CDH13: variants seen among roughly 807,000 people sequenced by gnomAD.
CDH13 encodes cadherin-13.
CDH13 carries 24 observed loss-of-function variants against 63.8 expected under a neutral mutation model. That is an observed-to-expected ratio of 0.38 (90% CI 0.27 to 0.53). The LOEUF is 0.53. CDH13 is among the 20% of genes least tolerant of loss of function. The probability of loss-of-function intolerance (pLI) is 0.85; values close to 1 mark genes in which losing one functional copy is unlikely to be tolerated. For missense variants in CDH13, 1,049 were observed against 903.1 expected, an observed-to-expected ratio of 1.16 and a Z score of -2.07; for synonymous variants, 503 against 355.3, an observed-to-expected ratio of 1.42 and a Z score of -4.67.
chr16:83,171,450 A>G (rs1597460193), intron 4 of CDH13: 3 of 1,292,288 alleles, frequency 2.3e-6, no homozygotes, highest in Non-Finnish European at 3.2e-6. Flanking sequence ...TCCAAACCAT[A>G]TCAAAAGCTT....
chr16:83,223,764 G>A (rs2039768443), intron 5 of CDH13, among the ~76,000 whole-genome samples: 1 of 152,236 alleles, frequency 6.6e-6, no homozygotes, highest in South Asian at 2.1e-4. Context: ...CCAGCTCCCT[G>A]GTACAGGAAA....
intron 1 of CDH13, chr16:82,826,405 C>G (rs2038255567): frequency 6.6e-6 from 1 of 151,956 alleles, no homozygotes; most frequent in South Asian, 2.1e-4. Flanking sequence ...TTTTTATTTC[C>G]TACATACAAT....
intron 7 of CDH13, among the ~76,000 whole-genome samples, chr16:83,522,759 G>C (rs2074870363): frequency 6.6e-6 from 1 of 152,160 alleles, no homozygotes; most frequent in African/African-American, 2.4e-5. Flanking sequence ...AGACTGGCCT[G>C]AATTCAGCCT....
At chr16:82,882,993 A>T (rs942725959) in intron 2 of CDH13, among the ~76,000 whole-genome samples, 1 of 152,090 alleles carries the variant, frequency 6.6e-6, no homozygotes, top group Non-Finnish European at 1.5e-5. Flanking sequence ...AGGTCTAAAG[A>T]GATTTGTCCT....
At chr16:82,803,783 AGAAGC>A (rs1319100640) in intron 1 of CDH13, among the ~76,000 whole-genome samples, 2 of 152,240 alleles carry the variant, frequency 1.3e-5, no homozygotes, top group Non-Finnish European at 2.9e-5. Flanking sequence ...TCAGACTAAT[AGAAGC>A]AGAGTAGAAT....
At chr16:83,109,471 A>T (rs1180211839) in intron 3 of CDH13, among the ~76,000 whole-genome samples, 1 of 152,226 alleles carries the variant, frequency 6.6e-6, no homozygotes, top group Non-Finnish European at 1.5e-5. Flanking sequence ...TGTATCATTT[A>T]TGGTGACAGT....
intron 11 of CDH13, among the ~76,000 whole-genome samples, chr16:83,768,418 A>C (rs187128263): frequency 2.0e-5 from 3 of 152,328 alleles, no homozygotes; most frequent in Admixed American, 2.0e-4. Flanking sequence ...GCACACAGCA[A>C]ATCAATATGC....
chr16:83,329,220 C>A (rs750793998), intron 5 of CDH13, among the ~76,000 whole-genome samples: 11 of 151,934 alleles, frequency 7.2e-5, no homozygotes, highest in Non-Finnish European at 1.5e-5. Flanking sequence ...TAAAGGGTTT[C>A]TTGTTTTGTT....
intron 2 of CDH13, among the ~76,000 whole-genome samples, chr16:82,935,606 G>A (rs750510163): frequency 9.2e-5 from 14 of 152,112 alleles, no homozygotes; most frequent in South Asian, 2.1e-4. Flanking sequence ...AGTGATTCTC[G>A]AACTTGAGTG....
intron 7 of CDH13, among the ~76,000 whole-genome samples, chr16:83,544,478 C>G (rs759093842): frequency 6.6e-6 from 1 of 152,112 alleles, no homozygotes; most frequent in Non-Finnish European, 1.5e-5. Flanking sequence ...TTAGCCTACC[C>G]TACCTTAAAC....
chr16:82,917,296 C>G (rs953437307), intron 2 of CDH13, among the ~76,000 whole-genome samples: 1 of 152,118 alleles, frequency 6.6e-6, no homozygotes, highest in Non-Finnish European at 1.5e-5. Flanking sequence ...GAAGAACGCT[C>G]AGGGTTACGT....
chr16:82,809,044 A>C (rs532517027), intron 1 of CDH13, among the ~76,000 whole-genome samples: 1 of 152,144 alleles, frequency 6.6e-6, no homozygotes, highest in East Asian at 1.9e-4. Context: ...ATGCATATAC[A>C]TATGTATGAA....
At position 83,604,197 on chromosome 16, in the gene CDH13, T is replaced by G. The variant is rs574997386; in HGVS notation, c.1101+1603T>G. On this transcript the variant is annotated intron_variant, in intron 8 of 13. Transcript: ENST00000567109. Reference sequence around the variant, plus strand: ...GGAGGTAGACGTCCCCCTTTCTCCCTGTGGTGTCTTGGGCACTCAGGATTC... The same window carrying G: ...GGAGGTAGACGTCCCCCTTTCTCCCGGTGGTGTCTTGGGCACTCAGGATTC... Among the ~76,000 whole-genome samples, 22 of 152,230 alleles carry G rather than the reference T, an allele frequency of 1.4e-4. No homozygotes were observed. In the East Asian group the frequency reaches 4.1e-3, roughly 28 times the overall value.
intron 7 of CDH13, among the ~76,000 whole-genome samples, chr16:83,526,856 G>A (rs2074973936): frequency 6.6e-6 from 1 of 152,186 alleles, no homozygotes; most frequent in South Asian, 2.1e-4. Context: ...TTCAGGCCAG[G>A]GATGGTGGCT....
chr16:82,728,858 C>G (rs1010382783), intron 1 of CDH13, among the ~76,000 whole-genome samples: 1 of 152,170 alleles, frequency 6.6e-6, no homozygotes, highest in Non-Finnish European at 1.5e-5. Flanking sequence ...CCCTCTCAAG[C>G]CCTGCTACTG....
chr16:83,569,568 T>C (rs890471334), intron 7 of CDH13, among the ~76,000 whole-genome samples: 2 of 152,308 alleles, frequency 1.3e-5, no homozygotes, highest in Middle Eastern at 3.4e-3. Context: ...CTTACACATT[T>C]TCCATCAGGC....
intron 3 of CDH13, among the ~76,000 whole-genome samples, chr16:83,042,348 G>A (rs1246877162): frequency 1.3e-5 from 2 of 152,162 alleles, no homozygotes; most frequent in African/African-American, 4.8e-5. Flanking sequence ...TCATAGGAGT[G>A]TGAACCCTAT....
At chr16:83,358,019 G>C (rs1392878579) in intron 6 of CDH13, among the ~76,000 whole-genome samples, 3 of 152,172 alleles carry the variant, frequency 2.0e-5, no homozygotes, top group Admixed American at 6.5e-5. Flanking sequence ...CTATGTCCCA[G>C]TGAGGAAACT....
intron 5 of CDH13, among the ~76,000 whole-genome samples, chr16:83,220,707 GT>G (rs2039673076): frequency 6.7e-6 from 1 of 150,226 alleles, no homozygotes; most frequent in South Asian, 2.1e-4. Flanking sequence ...AGGTGAATGT[GT>G]TGTCATCATA....
Sources: allele counts gnomAD v4.1 joint callset (sites outside exome capture counted in the v4.1 genomes callset), GRCh38; gene constraint gnomAD v4.1.1; transcripts MANE v1.5; gene names NCBI Gene and HGNC (gene_info 2026-07-23, HGNC 2026-07-21).